The following TSHZ3 variants were observed in gnomAD, a reference collection of about 807,000 sequenced individuals.
TSHZ3 encodes teashirt zinc finger homeobox 3.
Under a neutral mutation model 64.5 loss-of-function variants are expected in TSHZ3, and 10 were observed. The ratio of observed to expected loss-of-function variants is 0.16; its 90% CI spans 0.10 to 0.26. The LOEUF is 0.26. Ranked by LOEUF, TSHZ3 falls within the 10% of genes least tolerant of loss-of-function variation. The pLI is 1.00. For synonymous variants in TSHZ3, 608 were observed against 593.1 expected, an observed-to-expected ratio of 1.03 and a Z score of -0.36; for missense variants, 1,242 against 1,421.7, an observed-to-expected ratio of 0.87 and a Z score of 2.03.
intron 1 of TSHZ3, 184 bp downstream of exon 1, chr19:31,348,996 C>T (rs2021609681): frequency 1.5e-6 from 1 of 689,234 alleles, no homozygotes; most frequent in Non-Finnish European, 2.3e-6. Context: ...CAGAGCGCGG[C>T]GGGGCGTCCG....
chr19:31,332,165 G>A (rs1005782435), intron 1 of TSHZ3, among the ~76,000 whole-genome samples: 7 of 152,146 alleles, frequency 4.6e-5, no homozygotes, highest in African/African-American at 1.7e-4. Context: ...CAATGAGGTG[G>A]TGTGTTCCCG....
intron 1 of TSHZ3, among the ~76,000 whole-genome samples, chr19:31,342,669 G>C (rs1256075549): frequency 1.3e-5 from 2 of 152,222 alleles, no homozygotes; most frequent in African/African-American, 4.8e-5. Flanking sequence ...GATGGGAATG[G>C]AAAATCAAAA....
At chr19:31,183,139 C>A (rs1291692136) in intron 5 of TSHZ3, among the ~76,000 whole-genome samples, 1 of 151,532 alleles carries the variant, frequency 6.6e-6, no homozygotes, top group Non-Finnish European at 1.5e-5. Context: ...GATTTAGGAC[C>A]TGACAGCCTC....
intron 5 of TSHZ3, among the ~76,000 whole-genome samples, chr19:31,157,375 T>G (rs923026094): frequency 2.0e-5 from 3 of 152,194 alleles, no homozygotes; most frequent in African/African-American, 7.2e-5. Context: ...TAAAGTTGTA[T>G]TAGAAGATAC....
chr19:31,260,961 A>G (rs758002114), intron 1 of TSHZ3, among the ~76,000 whole-genome samples: 4 of 152,196 alleles, frequency 2.6e-5, no homozygotes, highest in Non-Finnish European at 5.9e-5. Flanking sequence ...GCCGGCTCCT[A>G]TAATATTAAA....
chr19:31,264,958 G>A (rs1311048112), intron 1 of TSHZ3, among the ~76,000 whole-genome samples: 4 of 152,138 alleles, frequency 2.6e-5, no homozygotes, highest in African/African-American at 9.7e-5. Flanking sequence ...TCTGACTGTG[G>A]GGTAGGGGTC....
At chr19:31,269,864 TGG>T (rs1223343880) in intron 1 of TSHZ3, among the ~76,000 whole-genome samples, 1 of 152,206 alleles carries the variant, frequency 6.6e-6, no homozygotes, top group Non-Finnish European at 1.5e-5. Flanking sequence ...AGAGGCCTAA[TGG>T]GGTCTGCAGT....
chr19:31,350,084 C>T (rs1218284372), upstream of TSHZ3, among the ~76,000 whole-genome samples: 1 of 147,900 alleles, frequency 6.8e-6, no homozygotes, highest in South Asian at 2.1e-4. Context: ...CCAGCCACCC[C>T]CCAGCTGCCC....
At chr19:31,349,808 T>C (rs1331744204), upstream of TSHZ3, among the ~76,000 whole-genome samples, 1 of 142,740 alleles carries the variant, frequency 7.0e-6, no homozygotes, top group East Asian at 2.3e-4. Flanking sequence ...TCCAGTCTTC[T>C]GCCCGTGGCG....
At chr19:31,243,245 T>C (rs1047935690) in intron 1 of TSHZ3, among the ~76,000 whole-genome samples, 2 of 152,188 alleles carry the variant, frequency 1.3e-5, no homozygotes, top group African/African-American at 4.8e-5. Flanking sequence ...GGATTTTTTT[T>C]CTCCACTGCA....
intron 6 of TSHZ3, among the ~76,000 whole-genome samples, chr19:31,153,133 A>G (rs1309634965): frequency 1.3e-5 from 2 of 152,122 alleles, no homozygotes; most frequent in African/African-American, 4.8e-5. Context: ...CTGCCATTGG[A>G]GTTCAGCTGT....
At chr19:31,339,901 CT>C (rs1042662894) in intron 1 of TSHZ3, among the ~76,000 whole-genome samples, 12 of 109,432 alleles carry the variant, frequency 1.1e-4, no homozygotes, top group South Asian at 3.1e-4. Context: ...AAAAAATTGA[CT>C]TTAAAAAAAA....
intron 1 of TSHZ3, among the ~76,000 whole-genome samples, chr19:31,347,321 C>G (rs966166003): frequency 3.9e-5 from 6 of 151,998 alleles, no homozygotes; most frequent in African/African-American, 9.7e-5. Context: ...CTATCAAATA[C>G]GAGTCTCAGA....
chr19:31,202,371 A>C (rs559978885), intron 5 of TSHZ3, among the ~76,000 whole-genome samples: 1 of 152,324 alleles, frequency 6.6e-6, no homozygotes, highest in South Asian at 2.1e-4. Flanking sequence ...TACATACATA[A>C]TACATATATG....
chr19:31,300,207 T>C (rs1976730545), intron 1 of TSHZ3, among the ~76,000 whole-genome samples: 1 of 152,124 alleles, frequency 6.6e-6, no homozygotes, highest in African/African-American at 2.4e-5. Context: ...GAGCTACAGG[T>C]AAATGTTCTA....
chr19:31,298,107 T>TTTA (rs1046964211), intron 1 of TSHZ3, among the ~76,000 whole-genome samples: 3 of 152,180 alleles, frequency 2.0e-5, no homozygotes, highest in Admixed American at 2.0e-4. Flanking sequence ...GAGATTTGTG[T>TTTA]CTCTTGGCTT....
chr19:31,194,645 T>C (rs4805649), intron 5 of TSHZ3, among the ~76,000 whole-genome samples: 109,212 of 151,994 alleles, frequency 0.72, 39,767 homozygotes, highest in African/African-American at 0.85. Context: ...ACAGCATTTC[T>C]TTTTATCCAG....
At chr19:31,221,863 G>A (rs911522769) in intron 4 of TSHZ3, among the ~76,000 whole-genome samples, 1 of 152,162 alleles carries the variant, frequency 6.6e-6, no homozygotes, top group African/African-American at 2.4e-5. Flanking sequence ...AAGGTGAAAG[G>A]TTTACCTCGC....
intron 5 of TSHZ3, among the ~76,000 whole-genome samples, chr19:31,185,112 A>C (rs1974783353): frequency 6.6e-6 from 1 of 151,530 alleles, no homozygotes. Flanking sequence ...AACAAAAAAA[A>C]AAACACAAGG....
Sources: allele counts gnomAD v4.1 joint callset (sites outside exome capture counted in the v4.1 genomes callset), GRCh38; gene constraint gnomAD v4.1.1; transcripts MANE v1.5; gene names NCBI Gene and HGNC (gene_info 2026-07-23, HGNC 2026-07-21).